NELFA: variants seen among roughly 807,000 people sequenced by gnomAD.
NELFA encodes the protein negative elongation factor A.
In NELFA, 35 loss-of-function variants were observed where a neutral mutation model predicts 51.8. That is an observed-to-expected ratio of 0.68 (90% CI 0.52 to 0.90). NELFA has a LOEUF of 0.90. NELFA is among the 40% of genes least tolerant of loss of function. The probability of loss-of-function intolerance (pLI) is 0.00; values close to 1 mark genes in which losing one functional copy is unlikely to be tolerated. For missense variants in NELFA, 658 were observed against 746.4 expected, an observed-to-expected ratio of 0.88 and a Z score of 1.38; for synonymous variants, 417 against 338.4, an observed-to-expected ratio of 1.23 and a Z score of -2.55.
chr4:1,984,749 G>T, intron 8 of NELFA, 59 bp downstream of exon 8: 1 of 1,308,238 alleles, frequency 7.6e-7, no homozygotes, highest in Non-Finnish European at 1.1e-6. Context: ...GCGCCCGTGG[G>T]CAAGGTCATG....
chr4:1,987,197 G>A (rs1728131180), intron 4 of NELFA, among the ~76,000 whole-genome samples: 1 of 152,218 alleles, frequency 6.6e-6, no homozygotes, highest in Non-Finnish European at 1.5e-5. Context: ...TGGTCTGGGA[G>A]CTGCATGGAG....
intron 1 of NELFA, among the ~76,000 whole-genome samples, chr4:2,003,042 AAAC>A: frequency 6.6e-6 from 1 of 152,350 alleles, no homozygotes; most frequent in Admixed American, 6.5e-5. Context: ...TGTAAGAGAA[AAAC>A]AACCCCATCA....
In NELFA at chr4:1,983,753, C is replaced by T. The variant is rs943945012; in HGVS notation, c.1303-58G>A. ...CCCCGCCAGGACCACCTCCTGCATC[C>T]CCCTGCAGGCACCGTGGCACCCCCA... On this transcript the variant is annotated intron_variant, in intron 9 of 10. Coordinates refer to ENST00000382882, the MANE Select transcript of NELFA (RefSeq NM_005663.5). 14 of 1,599,810 alleles carry T rather than the reference C, an allele frequency of 8.8e-6. No individual in the cohort carries two copies. In the African/African-American group the frequency reaches 1.1e-4, roughly 12 times the overall value.
intron 1 of NELFA, among the ~76,000 whole-genome samples, chr4:2,007,471 C>G (rs1301110432): frequency 1.3e-5 from 2 of 152,190 alleles, no homozygotes; most frequent in African/African-American, 2.4e-5. Context: ...TCAGCTGCAA[C>G]GTGGATGAAA....
At chr4:1,985,906 C>A (rs759176320) in intron 6 of NELFA, 42 bp from the exon 7 acceptor site, 5 of 1,536,740 alleles carry the variant, frequency 3.3e-6, no homozygotes, top group Non-Finnish European at 4.4e-6. Context: ...CCGGGCGCGT[C>A]TGCAGTGTCA....
At position 1,989,810 on chromosome 4, in the gene NELFA, C is replaced by G; in HGVS notation, c.442G>C (p.Ala148Pro). The G allele has an allele frequency of 6.2e-7, 1 of 1,614,170 alleles. No individual in the cohort carries two copies. Among genetic ancestry groups the G allele is most frequent in the Non-Finnish European group, 8.5e-7 (1 of 1,180,034 alleles). Reference sequence around the variant, plus strand: ...AGGGGTCCCGCGAGGGTCGTCAGGGCGTTTTTGTTCAAGTACTGGCACTCC... The same window carrying G: ...AGGGGTCCCGCGAGGGTCGTCAGGGGGTTTTTGTTCAAGTACTGGCACTCC... ...PLECQYLNKN[A>P]LTTLAGPLTP... The change falls in exon 3 of 11, where the codon GCC becomes CCC. Residue 148 changes from alanine to proline, a missense_variant. Coordinates refer to ENST00000382882, the MANE Select transcript of NELFA (RefSeq NM_005663.5). The surrounding 1 kb of genome is among the most constrained non-coding windows in gnomAD (Gnocchi z 4.8).
rs182016033 is a variant in NELFA, at chr4:2,002,156, C to T, written c.210+6594G>A. ...CGGAGCTTGCAATGAGCCAAGATCGCGCCACTGCACTCCAGCCTGGGCGAC... is the reference window on the plus strand; with the variant it reads ...CGGAGCTTGCAATGAGCCAAGATCGTGCCACTGCACTCCAGCCTGGGCGAC... On this transcript the variant is annotated intron_variant, in intron 1 of 10. Coordinates refer to ENST00000382882, the MANE Select transcript of NELFA (RefSeq NM_005663.5). 5.9e-3 allele frequency among the ~76,000 whole-genome samples: 858 copies of T among 146,540 alleles called. 11 individuals carry two copies. Among genetic ancestry groups the T allele is most frequent in the African/African-American group, 0.021 (812 of 39,558 alleles).
chr4:1,983,754 C>G, intron 9 of NELFA, 59 bp from the exon 10 acceptor site: 1 of 1,600,630 alleles, frequency 6.2e-7, no homozygotes, highest in Non-Finnish European at 8.5e-7. Flanking sequence ...TCCTGCATCC[C>G]CCTGCAGGCA....
At chr4:2,008,060 GAA>G (rs990871930) in intron 1 of NELFA, 2 of 456,578 alleles carry the variant, frequency 4.4e-6, no homozygotes, top group Non-Finnish European at 8.8e-6. Flanking sequence ...TGCGAGGTGA[GAA>G]CAAGAAAATC....
Position 1,988,108 on chromosome 4 carries a change from C to T in NELFA, c.545-101G>A, listed in dbSNP as rs575183250. 2.7e-4 allele frequency: 267 copies of T among 971,130 alleles called. No individual in the cohort carries two copies. In the African/African-American group the frequency reaches 3.8e-3, roughly 14 times the overall value. The allele number at this position is 971,130 out of a possible 1,614,324, so 60.2% of individuals were successfully genotyped here. A position where few individuals can be genotyped will look rare whatever the true frequency, so the allele number is the denominator to read the frequency against. Reference sequence around the variant, plus strand: ...AGTGGATTCATCCGACGGCCTGAGCCGTGAACGCTGCATTCTCTCTAAATG... The same window carrying T: ...AGTGGATTCATCCGACGGCCTGAGCTGTGAACGCTGCATTCTCTCTAAATG... On this transcript the variant is annotated intron_variant, in intron 3 of 10. Coordinates refer to ENST00000382882, the MANE Select transcript of NELFA (RefSeq NM_005663.5).
At position 1,985,760 on chromosome 4, in the gene NELFA, C is replaced by A; in HGVS notation, c.924+16G>T. ...CCGCAGTGGTGCCAGACATGGGGTG[C>A]AGCCCCGAGCCCTACCTGCGTGGAC... On this transcript the variant is annotated intron_variant, in intron 7 of 10. Transcript: ENST00000382882. 6.2e-7 allele frequency: 1 copy of A among 1,609,414 alleles called. No homozygotes were observed. The highest frequency in any genetic ancestry group is 1.3e-5 in the African/African-American group (1 of 74,982).
intron 1 of NELFA, among the ~76,000 whole-genome samples, chr4:2,002,072 C>T (rs1272068076): frequency 2.0e-4 from 29 of 145,460 alleles, no homozygotes; most frequent in East Asian, 1.9e-3. Context: ...TGGTGGCGGG[C>T]GCCTGTAGTC....
rs561955016 is a variant in NELFA at position 1,996,951 on chromosome 4, A to T, written c.211-5236T>A. On this transcript the variant is annotated intron_variant, in intron 1 of 10. Coordinates refer to ENST00000382882, the MANE Select transcript of NELFA (RefSeq NM_005663.5). ...GAGACACTCTCTCTACAAAAAATTT[A>T]AAAAAAAAGAAAAGTAGGCAGGTAT... Among the ~76,000 whole-genome samples, 154 of 144,984 alleles carry T rather than the reference A, an allele frequency of 1.1e-3. 2 individuals carry two copies. The highest frequency in any genetic ancestry group is 6.4e-3 in the East Asian group (33 of 5,164).
At chr4:1,994,328 G>A (rs1046349318) in intron 1 of NELFA, among the ~76,000 whole-genome samples, 3 of 152,174 alleles carry the variant, frequency 2.0e-5, no homozygotes, top group Non-Finnish European at 4.4e-5. Context: ...ACTCTGGGAG[G>A]CTAGGGCGGG....
chr4:1,992,984 C>G (rs1728318044), intron 1 of NELFA, among the ~76,000 whole-genome samples: 1 of 152,340 alleles, frequency 6.6e-6, no homozygotes, highest in Non-Finnish European at 1.5e-5. Flanking sequence ...CCGACGCCCG[C>G]CCGAGCTGAG....
chr4:1,988,554 C>T (rs1728181489), intron 3 of NELFA, among the ~76,000 whole-genome samples: 1 of 152,232 alleles, frequency 6.6e-6, no homozygotes, highest in African/African-American at 2.4e-5. Context: ...CCCGGGGCTG[C>T]ACGGAGCCTC....
At position 1,983,268 on chromosome 4, in the gene NELFA, C is replaced by T. The variant is rs1727949643; in HGVS notation, c.*51G>A. 6.4e-7 allele frequency: 1 copy of T among 1,561,236 alleles called. No homozygotes were observed. ...TCCGGTTACTTTAAGCTGGCAAAGC[C>T]ATCGTCCCGTGGACCCCCACAAGTG... On this transcript the variant is annotated 3_prime_UTR_variant, in exon 11 of 11. Transcript: ENST00000382882.
chr4:1,988,366 G>C, intron 3 of NELFA, among the ~76,000 whole-genome samples: 1 of 152,236 alleles, frequency 6.6e-6, no homozygotes, highest in Admixed American at 6.5e-5. Context: ...CAGCAGGCAC[G>C]GTCTAGATAC....
Position 1,989,249 on chromosome 4 carries a change from A to G in NELFA, c.544+459T>C, listed in dbSNP as rs922670375. Among the ~76,000 whole-genome samples, 1 of 152,144 alleles carries G rather than the reference A, an allele frequency of 6.6e-6. No homozygotes were observed. Among genetic ancestry groups the G allele is most frequent in the Non-Finnish European group, 1.5e-5 (1 of 68,026 alleles). On this transcript the variant is annotated intron_variant, in intron 3 of 10. Transcript: ENST00000382882. The surrounding 1 kb of genome is among the most constrained non-coding windows in gnomAD (Gnocchi z 4.8). ...GTGTGAGCCACCATGCCCAGCCTAA[A>G]TTCTGAAGTTTTTAAAGCATGTTTT...
Sources: gnomAD v4.1 joint callset for allele counts (sites outside exome capture counted in the v4.1 genomes callset) on GRCh38, gnomAD v4.1.1 for gene constraint, Gnocchi (gnomAD v3.1) non-coding constraint, MANE v1.5 for transcripts, NCBI Gene and HGNC (gene_info 2026-07-23, HGNC 2026-07-21) for gene names.